The following HIVEP3 variants were observed in gnomAD, a reference collection of about 807,000 sequenced individuals.
HIVEP3 encodes HIVEP zinc finger 3.
HIVEP3 carries 49 observed loss-of-function variants against 152.8 expected under a neutral mutation model. The ratio of observed to expected loss-of-function variants is 0.32; its 90% CI spans 0.26 to 0.41. HIVEP3 has a LOEUF of 0.41. Among genes scored for constraint, HIVEP3 ranks in the 10% least tolerant of loss-of-function variants. The probability of loss-of-function intolerance (pLI) is 1.00; values close to 1 mark genes in which losing one functional copy is unlikely to be tolerated. For missense variants in HIVEP3, 2,790 were observed against 3,103.3 expected (o/e 0.90, Z 2.40); for synonymous variants, 1,269 against 1,289.0 (o/e 0.98, Z 0.33).
chr1:41,932,163 AT>A (rs141044278), intron 1 of HIVEP3, among the ~76,000 whole-genome samples: 5,540 of 151,924 alleles, frequency 0.036, 311 homozygotes, highest in African/African-American at 0.13. Flanking sequence ...TAGATGATTA[AT>A]TTTTAAAGTG....
chr1:41,825,064 GC>G (rs1642756791), intron 1 of HIVEP3, among the ~76,000 whole-genome samples: 1 of 152,072 alleles, frequency 6.6e-6, no homozygotes, highest in Admixed American at 6.5e-5. Flanking sequence ...CTTAGTGTGA[GC>G]AACAAGGCTG....
chr1:41,540,835 C>G (rs747308014), intron 5 of HIVEP3, among the ~76,000 whole-genome samples: 11 of 152,156 alleles, frequency 7.2e-5, no homozygotes, highest in South Asian at 6.2e-4. Context: ...GTCTAGTATT[C>G]AAGCCCAGAT....
Position 41,533,236 on chromosome 1 carries a change from T to C in HIVEP3, c.5208-8326A>G, listed in dbSNP as rs1643312736. Among the ~76,000 whole-genome samples the C allele has an allele frequency of 6.6e-6, 1 of 152,166 alleles. No homozygotes were observed. The highest frequency in any genetic ancestry group is 1.5e-5 in the Non-Finnish European group (1 of 68,022). ...GGCCTATGGCAGCTGTCTATCAGTGTGGACCTCCCCAAGCCTGAGGTAGAC... is the reference window on the plus strand; with the variant it reads ...GGCCTATGGCAGCTGTCTATCAGTGCGGACCTCCCCAAGCCTGAGGTAGAC... On this transcript the variant is annotated intron_variant, in intron 5 of 8. Transcript: ENST00000372583. This position sits in a 1 kb window ranked among gnomAD's most constrained non-coding sequence, Gnocchi z 4.3.
At position 41,583,109 on chromosome 1, in the gene HIVEP3, G is replaced by C. The variant is rs753492947; in HGVS notation, c.1689C>G (p.Phe563Leu). The change falls in exon 4 of 9, where the codon TTC becomes TTG. Residue 563 changes from phenylalanine to leucine, a missense_variant. Phe to Leu is a conservative substitution (Grantham distance 22). Around this residue, in one of 9 missense-constraint regions of HIVEP3, gnomAD observed 339 missense variants for 327.0 expected, o/e 1.04. Transcript: ENST00000372583. This position sits in a 1 kb window ranked among gnomAD's most constrained non-coding sequence, Gnocchi z 6.9. ...PHHPFRGSYS[F>L]DDHITDSEAL... is the part of the protein sequence containing the mutation. ...CTTCGGAGTCGGTGATATGGTCATC[G>C]AAGGAGTAGCTACCTCGGAAGGGGT... The C allele has an allele frequency of 1.2e-6, 2 of 1,613,592 alleles. No homozygotes were observed. Among genetic ancestry groups the C allele is most frequent in the South Asian group, 2.2e-5 (2 of 91,064 alleles).
chr1:41,707,574 G>C (rs1340241826), intron 1 of HIVEP3, among the ~76,000 whole-genome samples: 2 of 152,314 alleles, frequency 1.3e-5, no homozygotes, highest in Non-Finnish European at 1.5e-5. Flanking sequence ...GTGAACCAAG[G>C]TTTTTGATCC....
At chr1:41,672,443 T>C (rs1371145045) in intron 2 of HIVEP3, among the ~76,000 whole-genome samples, 1 of 152,206 alleles carries the variant, frequency 6.6e-6, no homozygotes, top group Non-Finnish European at 1.5e-5. Flanking sequence ...TATCTCAAGA[T>C]TCCTCAAGAA....
At chr1:41,544,909 C>CCACCA (rs1558046722) in intron 5 of HIVEP3, among the ~76,000 whole-genome samples, 11 of 96,858 alleles carry the variant, frequency 1.1e-4, no homozygotes, top group East Asian at 5.4e-4. Flanking sequence ...ACCACCACCA[C>CCACCA]TACCACCTCT....
chr1:41,527,799 CTA>C (rs1275179858), intron 5 of HIVEP3, among the ~76,000 whole-genome samples: 1 of 147,386 alleles, frequency 6.8e-6, no homozygotes, highest in Non-Finnish European at 1.5e-5. Context: ...TTCTCACACT[CTA>C]CACCCTACCC....
chr1:41,852,571 C>T (rs1235002340), intron 1 of HIVEP3, among the ~76,000 whole-genome samples: 1 of 152,176 alleles, frequency 6.6e-6, no homozygotes, highest in African/African-American at 2.4e-5. Context: ...TCTTCCCTTG[C>T]CAAGAAGGTG....
In HIVEP3 at chr1:41,886,442, G is replaced by A. The variant is rs118017431; in HGVS notation, c.-801+31971C>T. On this transcript the variant is annotated intron_variant, in intron 1 of 8. Coordinates refer to ENST00000372583, the MANE Select transcript of HIVEP3 (RefSeq NM_024503.5). The stretch of plus-strand genomic sequence containing the variant: ...AAATATACAGAGCGGTCCGGGTGCG[G>A]TGGCTCACACCTGTCATCCCAGCAT... Among the ~76,000 whole-genome samples, 10 of 152,214 alleles carry A rather than the reference G, an allele frequency of 6.6e-5. No individual in the cohort carries two copies. The East Asian group carries it at 1.9e-3, about 29-fold the overall frequency.
At chr1:41,548,295 A>G (rs1437338911) in intron 5 of HIVEP3, among the ~76,000 whole-genome samples, 1 of 152,196 alleles carries the variant, frequency 6.6e-6, no homozygotes. Flanking sequence ...CCCACCCTGC[A>G]GATGAGAAAG....
chr1:41,684,035 C>T (rs1439889727), intron 2 of HIVEP3, among the ~76,000 whole-genome samples: 1 of 152,214 alleles, frequency 6.6e-6, no homozygotes, highest in African/African-American at 2.4e-5. Context: ...AAAGCACTGC[C>T]TTTAAAAAAG....
rs1231436503 is a variant in HIVEP3, at chr1:41,635,505, CAT to C, written c.-720-6560_-720-6559del. 2.7e-5 allele frequency among the ~76,000 whole-genome samples: 4 copies of C among 148,810 alleles called. No homozygotes were observed. The East Asian group carries it at 7.8e-4, about 29-fold the overall frequency. ...ATATATATATACACACACATATATA[CAT>C]ATATAGCTGCATATATACATATATG... is the stretch of plus-strand genomic sequence containing the variant. On this transcript the variant is annotated intron_variant, in intron 2 of 8. Transcript: ENST00000372583.
At position 41,511,346 on chromosome 1, in the gene HIVEP3, G is replaced by T. The variant is rs370110046; in HGVS notation, c.6406-80C>A. 7.9e-7 allele frequency: 1 copy of T among 1,272,330 alleles called. No individual in the cohort carries two copies. The highest frequency in any genetic ancestry group is 1.5e-5 in the African/African-American group (1 of 67,134). The allele number at this position is 1,272,330 out of a possible 1,614,324, so 78.8% of individuals were successfully genotyped here. ...GGAGCCGAGGCCTGGAAGTGGGAGG[G>T]GGACTCGCCCAAGATCACAGAGCGA... On this transcript the variant is annotated intron_variant, in intron 8 of 8. Transcript: ENST00000372583. This position sits in a 1 kb window ranked among gnomAD's most constrained non-coding sequence, Gnocchi z 4.9.
chr1:41,889,026 C>T (rs1449877957), intron 1 of HIVEP3, among the ~76,000 whole-genome samples: 1 of 147,602 alleles, frequency 6.8e-6, no homozygotes, highest in Non-Finnish European at 1.5e-5. Context: ...CCACATACCT[C>T]ACACGCTACA....
intron 1 of HIVEP3, among the ~76,000 whole-genome samples, chr1:41,891,507 C>T (rs914746702): frequency 6.6e-6 from 1 of 152,192 alleles, no homozygotes. Context: ...GACGGGCTGC[C>T]CCTCCTGCTC....
chr1:41,836,300 C>G (rs528678874), intron 1 of HIVEP3, among the ~76,000 whole-genome samples: 1 of 152,200 alleles, frequency 6.6e-6, no homozygotes, highest in East Asian at 1.9e-4. Flanking sequence ...AGTGTGAGAC[C>G]CAGAGAGAGA....
chr1:41,880,772 G>C (rs1342670782), intron 1 of HIVEP3, among the ~76,000 whole-genome samples: 1 of 152,152 alleles, frequency 6.6e-6, no homozygotes, highest in Non-Finnish European at 1.5e-5. Flanking sequence ...TCCCTGCACT[G>C]CCTTCAGATC....
At chr1:41,851,942 T>A (rs1039954825) in intron 1 of HIVEP3, among the ~76,000 whole-genome samples, 1 of 152,202 alleles carries the variant, frequency 6.6e-6, no homozygotes, top group Non-Finnish European at 1.5e-5. Context: ...CAAAAAGTCA[T>A]GTAAATCTCT....
Sources: allele counts gnomAD v4.1 joint callset (sites outside exome capture counted in the v4.1 genomes callset), GRCh38; gene constraint gnomAD v4.1.1; regional missense constraint gnomAD v4.1.1; non-coding constraint Gnocchi (gnomAD v3.1); transcripts MANE v1.5; gene names NCBI Gene and HGNC (gene_info 2026-07-23, HGNC 2026-07-21).